The following CTNNA2 variants were observed in gnomAD, a reference collection of about 807,000 sequenced individuals.
CTNNA2 encodes the protein catenin alpha 2.
In CTNNA2, 42 loss-of-function variants were observed where a neutral mutation model predicts 101.0. The ratio of observed to expected loss-of-function variants is 0.42; its 90% CI spans 0.32 to 0.54. The LOEUF (loss-of-function observed/expected upper bound fraction) is 0.54. CTNNA2 is among the 20% of genes least tolerant of loss of function. The probability of loss-of-function intolerance (pLI) is 0.14; values close to 1 mark genes in which losing one functional copy is unlikely to be tolerated. For synonymous variants in CTNNA2, 450 were observed against 456.4 expected (o/e 0.99, Z 0.18); for missense variants, 871 against 1,223.1 (o/e 0.71, Z 4.29).
Position 79,916,518 on chromosome 2 carries a change from CCCCCTCCCCTCCCCTCCCCTCCCCT to C in CTNNA2, c.1056+6750_1056+6774del, listed in dbSNP as rs1295393408. 3.9e-4 allele frequency among the ~76,000 whole-genome samples: 7 copies of C among 17,772 alleles called. 1 individual carries two copies. The highest frequency in any genetic ancestry group is 0.056 in the Middle Eastern group (2 of 36). The allele number at this position is 17,772 out of a possible 152,430, so 11.7% of individuals were successfully genotyped here. A position where few individuals can be genotyped will look rare whatever the true frequency, so the allele number is the denominator to read the frequency against. On this transcript the variant is annotated intron_variant, in intron 7 of 18. Transcript: ENST00000402739. ...CCTTGAACAGAGTTTTCTAATTCTT[CCCCCTCCCCTCCCCTCCCCTCCCCT>C]CCCCTCCCCTCCCCTCCCCTCCCCT...
intron 1 of CTNNA2, among the ~76,000 whole-genome samples, chr2:79,589,951 A>G (rs1028764367): frequency 3.3e-5 from 5 of 152,228 alleles, no homozygotes; most frequent in African/African-American, 4.8e-5. Context: ...GGTATACACA[A>G]TCAAAGTCAA....
At chr2:80,475,606 A>T (rs1162407063) in intron 9 of CTNNA2, among the ~76,000 whole-genome samples, 2 of 152,092 alleles carry the variant, frequency 1.3e-5, no homozygotes, top group Non-Finnish European at 2.9e-5. Context: ...TGGAGGTGGG[A>T]GATTAGGTGT....
chr2:79,766,492 A>G (rs2105115653), intron 3 of CTNNA2, among the ~76,000 whole-genome samples: 1 of 152,236 alleles, frequency 6.6e-6, no homozygotes, highest in African/African-American at 2.4e-5. Context: ...TTTGATTGTT[A>G]AATGCGTTGA....
chr2:80,553,409 C>T (rs1036233752), intron 11 of CTNNA2, among the ~76,000 whole-genome samples: 1 of 151,860 alleles, frequency 6.6e-6, no homozygotes, highest in African/African-American at 2.4e-5. Flanking sequence ...ATAATAATAC[C>T]TATAAAAACA....
chr2:79,867,114 C>T (rs1333002768), intron 4 of CTNNA2, among the ~76,000 whole-genome samples: 1 of 152,124 alleles, frequency 6.6e-6, no homozygotes, highest in Non-Finnish European at 1.5e-5. Context: ...CAGTCCTGAA[C>T]TCCTCCATGA....
At chr2:80,178,972 A>G (rs1705581263) in intron 7 of CTNNA2, among the ~76,000 whole-genome samples, 1 of 152,198 alleles carries the variant, frequency 6.6e-6, no homozygotes, top group East Asian at 1.9e-4. Context: ...CATCAATGTA[A>G]TGGACCAGTA....
intron 9 of CTNNA2, among the ~76,000 whole-genome samples, chr2:80,472,667 A>G (rs1440638106): frequency 6.6e-6 from 1 of 152,134 alleles, no homozygotes; most frequent in Admixed American, 6.5e-5. Context: ...TTGAGGGTTG[A>G]ATGCCCAAGA....
intron 9 of CTNNA2, among the ~76,000 whole-genome samples, chr2:80,436,307 C>A (rs912559471): frequency 2.6e-5 from 4 of 152,130 alleles, no homozygotes; most frequent in African/African-American, 9.7e-5. Context: ...ATTGGTCTTA[C>A]CTGGGAGCTT....
chr2:79,439,881 T>C (rs574362980), intron 4 of CTNNA2, among the ~76,000 whole-genome samples: 8 of 152,322 alleles, frequency 5.3e-5, no homozygotes, highest in African/African-American at 1.9e-4. Flanking sequence ...ATGCTGGTGT[T>C]TGAGAACCAC....
At chr2:79,818,331 G>C (rs1291854709) in intron 3 of CTNNA2, among the ~76,000 whole-genome samples, 1 of 151,264 alleles carries the variant, frequency 6.6e-6, no homozygotes, top group Non-Finnish European at 1.5e-5. Context: ...TTGTTTTTTT[G>C]AGACGGAGTT....
intron 3 of CTNNA2, among the ~76,000 whole-genome samples, chr2:79,746,259 T>C (rs112314400): frequency 0.022 from 3,319 of 152,318 alleles, 103 homozygotes; most frequent in African/African-American, 0.076. Flanking sequence ...TGTTTGGTTT[T>C]GTTGCTGTTG....
At chr2:80,494,635 T>A (rs2149522462) in intron 9 of CTNNA2, among the ~76,000 whole-genome samples, 1 of 152,250 alleles carries the variant, frequency 6.6e-6, no homozygotes, top group Admixed American at 6.5e-5. Flanking sequence ...AGATTAGAAT[T>A]ATTCTGCATG....
chr2:79,839,502 G>T (rs1205669363), intron 3 of CTNNA2, among the ~76,000 whole-genome samples: 8 of 151,866 alleles, frequency 5.3e-5, no homozygotes, highest in African/African-American at 1.7e-4. Flanking sequence ...CATAAAAAGG[G>T]CTCTTTTTCA....
At chr2:79,769,508 A>G (rs1217999875) in intron 3 of CTNNA2, among the ~76,000 whole-genome samples, 1 of 152,208 alleles carries the variant, frequency 6.6e-6, no homozygotes, top group Admixed American at 6.5e-5. Flanking sequence ...CTTCTGGATT[A>G]TATATACCTG....
chr2:79,689,250 C>T (rs1684131399), intron 2 of CTNNA2, among the ~76,000 whole-genome samples: 1 of 151,858 alleles, frequency 6.6e-6, no homozygotes, highest in African/African-American at 2.4e-5. Flanking sequence ...CTGTCATTCT[C>T]CATCGACAGA....
At chr2:80,117,828 A>T (rs1239514782) in intron 7 of CTNNA2, among the ~76,000 whole-genome samples, 1 of 152,208 alleles carries the variant, frequency 6.6e-6, no homozygotes, top group African/African-American at 2.4e-5. Context: ...GTGTTATATT[A>T]GTATTAGTGT....
At chr2:79,887,861 C>T (rs1251738235) in intron 6 of CTNNA2, among the ~76,000 whole-genome samples, 1 of 152,090 alleles carries the variant, frequency 6.6e-6, no homozygotes, top group African/African-American at 2.4e-5. Flanking sequence ...AAATTAAACT[C>T]ATCAAAACTG....
chr2:79,959,624 C>T (rs1389151846), intron 7 of CTNNA2, among the ~76,000 whole-genome samples: 1 of 152,210 alleles, frequency 6.6e-6, no homozygotes, highest in Middle Eastern at 3.2e-3. Flanking sequence ...AAACAATCAG[C>T]TACCTTGCTA....
intron 7 of CTNNA2, among the ~76,000 whole-genome samples, chr2:80,166,199 A>G (rs753720253): frequency 6.6e-6 from 1 of 152,176 alleles, no homozygotes. Flanking sequence ...CACATTTTCA[A>G]CCATACCTGA....
Sources: gnomAD v4.1 joint callset for allele counts (sites outside exome capture counted in the v4.1 genomes callset) on GRCh38, gnomAD v4.1.1 for gene constraint, MANE v1.5 for transcripts, NCBI Gene and HGNC (gene_info 2026-07-23, HGNC 2026-07-21) for gene names.